The following SHLD2 variants were observed in gnomAD, a reference collection of about 807,000 sequenced individuals.
The protein encoded by SHLD2 is RINN1-REV7-interacting novel NHEJ regulator 2.
A neutral mutation model predicts 73.2 loss-of-function variants in SHLD2; 30 were observed. That is an observed-to-expected ratio of 0.41 (90% confidence interval 0.31 to 0.56). SHLD2 has a LOEUF of 0.56. Among genes scored for constraint, SHLD2 ranks in the 20% least tolerant of loss-of-function variants. The probability of loss-of-function intolerance (pLI) is 0.28; values close to 1 mark genes in which losing one functional copy is unlikely to be tolerated. For missense variants in SHLD2, 745 were observed against 1,055.9 expected (o/e 0.71, Z 4.08); for synonymous variants, 285 against 370.1 (o/e 0.77, Z 2.64).
chr10:87,095,447 G>C (rs1382742245), intron 1 of SHLD2, among the ~76,000 whole-genome samples, 199 bp downstream of exon 1: 1 of 152,110 alleles, frequency 6.6e-6, no homozygotes, highest in Admixed American at 6.5e-5. Context: ...CGGAACGGGC[G>C]GCCCACCCTG....
At chr10:87,094,566 C>T, upstream of SHLD2, 4 of 1,612,056 alleles carry the variant, frequency 2.5e-6, no homozygotes, top group Non-Finnish European at 3.4e-6. The surrounding 1 kb of genome is among the most constrained non-coding windows in gnomAD (Gnocchi z 6.6). Flanking sequence ...CCTCCACCAT[C>T]TTGAAGAAGT....
intron 7 of SHLD2, among the ~76,000 whole-genome samples, chr10:87,179,221 T>C (rs1362990548): frequency 1.3e-5 from 2 of 152,230 alleles, no homozygotes; most frequent in Admixed American, 6.5e-5. Context: ...CAGTGAATTA[T>C]GAATATGCTT....
intron 7 of SHLD2, among the ~76,000 whole-genome samples, chr10:87,179,375 GAGA>G (rs755526964): frequency 6.6e-6 from 1 of 150,986 alleles, no homozygotes; most frequent in Non-Finnish European, 1.5e-5. Context: ...TTTAGGTAGA[GAGA>G]AGAAGAAAAG....
chr10:87,100,683 A>C (rs540061534), intron 2 of SHLD2, among the ~76,000 whole-genome samples: 10 of 152,020 alleles, frequency 6.6e-5, no homozygotes, highest in Admixed American at 3.3e-4. Flanking sequence ...TTATCATGTT[A>C]GTCAGGCTGA....
chr10:87,127,054 A>G (rs1195004506), intron 2 of SHLD2, among the ~76,000 whole-genome samples: 2 of 152,130 alleles, frequency 1.3e-5, no homozygotes, highest in African/African-American at 4.8e-5. Flanking sequence ...GTCATCTGAC[A>G]CAGTTACATT....
rs938961713 is a variant in SHLD2, at chr10:87,190,822, A to C, written c.*139A>C. 118 of 681,080 alleles carry C rather than the reference A, an allele frequency of 1.7e-4. No homozygotes were observed. The African/African-American group carries it at 2.0e-3, about 11-fold the overall frequency. 42.2% of individuals were successfully genotyped at this position (681,080 alleles called of 1,614,324 possible). A position where few individuals can be genotyped will look rare whatever the true frequency, so the allele number is the denominator to read the frequency against. ...CAAAGAGAATTGCACTAGATATATA[A>C]ATTAAAACTTTTTTCTAAGAAAATC... On this transcript the variant is annotated 3_prime_UTR_variant, in exon 10 of 10. Coordinates refer to ENST00000298786, the MANE Select transcript of SHLD2 (RefSeq NM_001330112.2).
intron 7 of SHLD2, among the ~76,000 whole-genome samples, chr10:87,178,653 A>G (rs1848105338): frequency 6.6e-6 from 1 of 151,678 alleles, no homozygotes; most frequent in African/African-American, 2.4e-5. Context: ...GGAGGTTGAG[A>G]CTGCAGTGAG....
intron 2 of SHLD2, among the ~76,000 whole-genome samples, chr10:87,145,357 T>C (rs1272444308): frequency 6.6e-6 from 1 of 152,176 alleles, no homozygotes; most frequent in Non-Finnish European, 1.5e-5. Flanking sequence ...CAACAAGGGA[T>C]AGTATAATGA....
In SHLD2 at chr10:87,176,101, ATCT is replaced by A; in HGVS notation, c.2170+8_2170+10del. 1 of 1,548,302 alleles carries A rather than the reference ATCT, an allele frequency of 6.5e-7. No individual in the cohort carries two copies. The highest frequency in any genetic ancestry group is 8.7e-7 in the Non-Finnish European group (1 of 1,146,764). ...CCTAGAGGATAAGTGTTCAGGTAAG[ATCT>A]TTATATACATAAATTCTGCTATTTT... On this transcript the variant is annotated splice_region_variant and intron_variant, in intron 7 of 9. Coordinates refer to ENST00000298786, the MANE Select transcript of SHLD2 (RefSeq NM_001330112.2).
At chr10:87,127,532 C>T (rs1202671245) in intron 2 of SHLD2, among the ~76,000 whole-genome samples, 3 of 65,956 alleles carry the variant, frequency 4.5e-5, no homozygotes, top group African/African-American at 6.4e-5. Flanking sequence ...CTTACCCGCC[C>T]CCCCCCACCC....
intron 2 of SHLD2, among the ~76,000 whole-genome samples, chr10:87,144,495 T>G (rs1277663590): frequency 6.6e-6 from 1 of 152,182 alleles, no homozygotes; most frequent in Non-Finnish European, 1.5e-5. Flanking sequence ...AGCAATAGCT[T>G]TAAACTTCAA....
intron 7 of SHLD2, among the ~76,000 whole-genome samples, chr10:87,178,172 GTTGCAGTGAGCCGAGA>G (rs1230751829): frequency 7.2e-6 from 1 of 139,112 alleles, no homozygotes; most frequent in Non-Finnish European, 1.5e-5. Flanking sequence ...GGAGGCAGAG[GTTGCAGTGAGCCGAGA>G]TTGCACCACT....
intron 2 of SHLD2, among the ~76,000 whole-genome samples, chr10:87,119,068 T>A (rs1843427590): frequency 6.6e-6 from 1 of 150,716 alleles, no homozygotes; most frequent in East Asian, 2.0e-4. Context: ...CTCAATCCTA[T>A]ACCATGAATG....
At position 87,104,403 on chromosome 10, in the gene SHLD2, C is replaced by T. The variant is rs1315573748; in HGVS notation, c.-6+7414C>T. On this transcript the variant is annotated intron_variant, in intron 2 of 9. Coordinates refer to ENST00000298786, the MANE Select transcript of SHLD2 (RefSeq NM_001330112.2). Reference sequence around the variant, plus strand: ...TCTCTACAAAAATACAAAAATTAGCCAGGCATAATGGCGAGTGCCTGTAAT... The same window carrying T: ...TCTCTACAAAAATACAAAAATTAGCTAGGCATAATGGCGAGTGCCTGTAAT... Among the ~76,000 whole-genome samples, 4 of 151,520 alleles carry T rather than the reference C, an allele frequency of 2.6e-5. No homozygotes were observed. In the East Asian group the frequency reaches 5.8e-4, roughly 22 times the overall value.
At chr10:87,134,006 A>G (rs1435808692) in intron 2 of SHLD2, among the ~76,000 whole-genome samples, 6 of 152,222 alleles carry the variant, frequency 3.9e-5, no homozygotes, top group Non-Finnish European at 8.8e-5. Flanking sequence ...AATGAGGACA[A>G]TGGAAGAAGA....
At chr10:87,094,971 G>A (rs1275810651), upstream of SHLD2, 2 of 228,746 alleles carry the variant, frequency 8.7e-6, no homozygotes, top group African/African-American at 2.3e-5. The surrounding 1 kb of genome is among the most constrained non-coding windows in gnomAD (Gnocchi z 6.6). Context: ...CCAGGGCGCC[G>A]GGCCTCCGCC....
intron 9 of SHLD2, 122 bp downstream of exon 9, chr10:87,187,322 A>G (rs1848683138): frequency 1.5e-6 from 1 of 681,408 alleles, no homozygotes; most frequent in Non-Finnish European, 2.7e-6. Flanking sequence ...ACCGAAGGAT[A>G]ATTTAGCTTA....
At position 87,190,850 on chromosome 10, in the gene SHLD2, G is replaced by T. The variant is rs1849024491; in HGVS notation, c.*167G>T. The T allele has an allele frequency of 1.6e-6, 1 of 615,918 alleles. No homozygotes were observed. 38.2% of individuals were successfully genotyped at this position (615,918 alleles called of 1,614,324 possible). On this transcript the variant is annotated 3_prime_UTR_variant, in exon 10 of 10. Coordinates refer to ENST00000298786, the MANE Select transcript of SHLD2 (RefSeq NM_001330112.2). ...TAAAACTTTTTTCTAAGAAAATCCT[G>T]TGAGGTTTAAAAAGATTGTTTTTGT...
rs578106739 is a variant in SHLD2 at position 87,152,023 on chromosome 10, G to A, written c.669G>A (p.Arg223=). The A allele has an allele frequency of 1.9e-6, 3 of 1,611,890 alleles. No individual in the cohort carries two copies. Among genetic ancestry groups the A allele is most frequent in the Non-Finnish European group, 2.5e-6 (3 of 1,179,802 alleles). ...CCTCGAACGCAGTAGATAAGTCAAGGTCTGAAGCAGCAGTTAGGAAGGTCT... is the reference window on the plus strand; with the variant it reads ...CCTCGAACGCAGTAGATAAGTCAAGATCTGAAGCAGCAGTTAGGAAGGTCT... The part of the protein sequence containing the change: ...LFSSNAVDKS[R]SEAAVRKVSD... The change falls in exon 3 of 10, where the codon AGG becomes AGA. Residue 223 remains arginine (R), a synonymous_variant. Transcript: ENST00000298786.
Sources: allele counts gnomAD v4.1 joint callset (sites outside exome capture counted in the v4.1 genomes callset), GRCh38; gene constraint gnomAD v4.1.1; non-coding constraint Gnocchi (gnomAD v3.1); transcripts MANE v1.5; gene names NCBI Gene and HGNC (gene_info 2026-07-23, HGNC 2026-07-21).